SEPTIN2: variants seen among roughly 807,000 people sequenced by gnomAD.
SEPTIN2 encodes septin 2.
In SEPTIN2, 34 loss-of-function variants were observed where a neutral mutation model predicts 46.5. That is an observed-to-expected ratio of 0.73 (90% confidence interval 0.56 to 0.97). The LOEUF is 0.97. SEPTIN2 is among the 50% of genes least tolerant of loss of function. SEPTIN2 has a pLI of 0.00. For missense variants in SEPTIN2, 347 were observed against 448.4 expected, an observed-to-expected ratio of 0.77 and a Z score of 2.04; for synonymous variants, 175 against 153.4, an observed-to-expected ratio of 1.14 and a Z score of -1.04.
intron 2 of SEPTIN2, chr2:241,325,328 T>C (rs2077780358): frequency 6.6e-6 from 1 of 152,224 alleles, no homozygotes; most frequent in Non-Finnish European, 1.5e-5. Context: ...CTCTCTCTCA[T>C]CAGATACCCT....
chr2:241,340,096 T>C (rs1432712820), intron 7 of SEPTIN2, among the ~76,000 whole-genome samples: 1 of 152,274 alleles, frequency 6.6e-6, no homozygotes, highest in Non-Finnish European at 1.5e-5. Context: ...AAATTTGCTC[T>C]AAAGTAAGTT....
chr2:241,337,409 T>A lies in SEPTIN2; in HGVS notation c.369T>A (p.Asp123Glu). ...DCFKTIISYI[D>E]EQFERYLHDE... Reference sequence around the variant, plus strand: ...TTAAGACAATTATCTCCTATATTGATGAGCAATTTGAGAGGTACCTGCATG... The same window carrying A: ...TTAAGACAATTATCTCCTATATTGAAGAGCAATTTGAGAGGTACCTGCATG... Residue 123 changes from aspartate to glutamate, a missense_variant, in exon 6 of 13, where the codon GAT becomes GAA. Coordinates refer to ENST00000391971, the MANE Select transcript of SEPTIN2 (RefSeq NM_004404.5). The A allele has an allele frequency of 1.9e-6, 3 of 1,614,052 alleles. No homozygotes were observed. Among genetic ancestry groups the A allele is most frequent in the Non-Finnish European group, 2.5e-6 (3 of 1,179,930 alleles).
chr2:241,343,100 A>G lies in SEPTIN2; in HGVS notation c.696+7A>G. Reference sequence around the variant, plus strand: ...GCAGACTAGACTTCTCAAGGTAAGAACTGGCTTCAGATCCACAACATAAAT... The same window carrying G: ...GCAGACTAGACTTCTCAAGGTAAGAGCTGGCTTCAGATCCACAACATAAAT... On this transcript the variant is annotated splice_region_variant and intron_variant, in intron 8 of 12. Transcript: ENST00000391971. 6.7e-7 allele frequency: 1 copy of G among 1,489,842 alleles called. No homozygotes were observed. The highest frequency in any genetic ancestry group is 9.3e-7 in the Non-Finnish European group (1 of 1,070,112). 92.3% of individuals were successfully genotyped at this position (1,489,842 alleles called of 1,614,324 possible).
At chr2:241,350,463 T>A (rs2060686201) in intron 12 of SEPTIN2, among the ~76,000 whole-genome samples, 1 of 152,254 alleles carries the variant, frequency 6.6e-6, no homozygotes. Flanking sequence ...GGGGTACATT[T>A]GCAGGTTATT....
intron 6 of SEPTIN2, 48 bp from the exon 7 acceptor site, chr2:241,337,625 T>C (rs577584266): frequency 6.3e-7 from 1 of 1,584,266 alleles, no homozygotes; most frequent in South Asian, 1.1e-5. Context: ...GAGAAGAGTT[T>C]TGTATGTATT....
intron 1 of SEPTIN2, among the ~76,000 whole-genome samples, chr2:241,323,146 G>A (rs549017232): frequency 2.0e-4 from 30 of 151,374 alleles, no homozygotes; most frequent in Non-Finnish European, 3.8e-4. Flanking sequence ...GATTACAGGC[G>A]TCAGCCACTG....
In SEPTIN2 at chr2:241,336,047, T is replaced by C. The variant is rs1418689196; in HGVS notation, c.290T>C (p.Leu97Pro). 1 of 1,614,216 alleles carries C rather than the reference T, an allele frequency of 6.2e-7. No individual in the cohort carries two copies. The highest frequency in any genetic ancestry group is 8.5e-7 in the Non-Finnish European group (1 of 1,180,022). The change falls in exon 5 of 13, where the codon CTG becomes CCG. Residue 97 changes from leucine (L) to proline (P), a missense_variant. Physicochemically the swap from Leu to Pro is moderately conservative, Grantham distance 98. Coordinates refer to ENST00000391971, the MANE Select transcript of SEPTIN2 (RefSeq NM_004404.5). The part of the protein sequence containing the change: ...EIEERGVKLR[L>P]TVVDTPGYGD... Reference sequence around the variant, plus strand: ...GAAGAGCGAGGGGTCAAGCTACGCCTGACAGTGGTAGATACCCCTGGCTAT... The same window carrying C: ...GAAGAGCGAGGGGTCAAGCTACGCCCGACAGTGGTAGATACCCCTGGCTAT...
intron 3 of SEPTIN2, among the ~76,000 whole-genome samples, chr2:241,332,389 G>A (rs2079142497): frequency 6.6e-6 from 1 of 152,176 alleles, no homozygotes. Context: ...CACTAAGGAA[G>A]ATAAACAAAT....
chr2:241,337,076 A>G (rs1335548591), intron 5 of SEPTIN2: 3 of 202,420 alleles, frequency 1.5e-5, no homozygotes, highest in East Asian at 1.1e-4. Context: ...CCTGGGCAAC[A>G]GTGCAAGACT....
chr2:241,324,288 A>G (rs999920310), intron 2 of SEPTIN2, 47 bp downstream of exon 2: 1 of 1,512,772 alleles, frequency 6.6e-7, no homozygotes, highest in Non-Finnish European at 9.1e-7. Flanking sequence ...AAATTGCTTT[A>G]TGTTTTCAGA....
At chr2:241,337,026 A>G (rs6437257) in intron 5 of SEPTIN2, 54,852 of 161,440 alleles carry the variant, frequency 0.34, 10,313 homozygotes, top group East Asian at 0.67. Context: ...CCCTGGAAGC[A>G]GAGGTTGCAG....
chr2:241,337,574 C>T (rs1489168918), intron 6 of SEPTIN2, 58 bp downstream of exon 6: 9 of 1,591,136 alleles, frequency 5.7e-6, no homozygotes, highest in Middle Eastern at 1.7e-4. Flanking sequence ...AAGTTTTACC[C>T]AAACTGTGTA....
At chr2:241,338,340 G>A (rs2080378697) in intron 7 of SEPTIN2, among the ~76,000 whole-genome samples, 1 of 151,788 alleles carries the variant, frequency 6.6e-6, no homozygotes, top group African/African-American at 2.4e-5. Context: ...ACTTTGTTCT[G>A]ATTATATGCT....
intron 4 of SEPTIN2, 107 bp from the exon 5 acceptor site, chr2:241,335,868 C>G (rs1184759325): frequency 7.1e-7 from 1 of 1,411,278 alleles, no homozygotes; most frequent in South Asian, 1.2e-5. Flanking sequence ...TTTGGAGAAC[C>G]TACCTCTGTA....
intron 2 of SEPTIN2, 70 bp from the exon 3 acceptor site, chr2:241,325,923 C>T (rs1232898286): frequency 2.8e-6 from 4 of 1,436,510 alleles, no homozygotes; most frequent in Non-Finnish European, 3.8e-6. Flanking sequence ...TGTTTCATGT[C>T]TAACTGATTA....
chr2:241,333,377 A>G (rs531580180), intron 3 of SEPTIN2, among the ~76,000 whole-genome samples: 9 of 152,200 alleles, frequency 5.9e-5, no homozygotes, highest in Admixed American at 3.9e-4. Flanking sequence ...ACTTAATGGG[A>G]TAACAGGCAT....
In SEPTIN2 at chr2:241,353,810, A is replaced by G. The variant is rs1456090384; in HGVS notation, c.*1873A>G. The stretch of plus-strand genomic sequence containing the variant: ...GGCACGCTGCCTCCTGGTAACAGCT[A>G]TGCAGGGAGGGAGGACCCACACTGC... On this transcript the variant is annotated 3_prime_UTR_variant, in exon 13 of 13. Transcript: ENST00000391971. 2 of 153,436 alleles carry G rather than the reference A, an allele frequency of 1.3e-5. No homozygotes were observed. The highest frequency in any genetic ancestry group is 1.3e-4 in the Admixed American group (2 of 15,286). 9.5% of individuals were successfully genotyped at this position (153,436 alleles called of 1,614,324 possible). A position where few individuals can be genotyped will look rare whatever the true frequency, so the allele number is the denominator to read the frequency against.
At chr2:241,318,037 G>A (rs745788298) in intron 1 of SEPTIN2, among the ~76,000 whole-genome samples, 1 of 151,854 alleles carries the variant, frequency 6.6e-6, no homozygotes, top group Non-Finnish European at 1.5e-5. Flanking sequence ...GTGCTTCAGA[G>A]GTTCATAATT....
intron 11 of SEPTIN2, among the ~76,000 whole-genome samples, chr2:241,349,189 C>A (rs1435661504): frequency 6.6e-6 from 1 of 151,726 alleles, no homozygotes; most frequent in Non-Finnish European, 1.5e-5. Context: ...GTGAGACCCC[C>A]CTCGTTCTCT....
Sources: allele counts gnomAD v4.1 joint callset (sites outside exome capture counted in the v4.1 genomes callset), GRCh38; gene constraint gnomAD v4.1.1; transcripts MANE v1.5; gene names NCBI Gene and HGNC (gene_info 2026-07-23, HGNC 2026-07-21).